CASZ1: variants seen among roughly 807,000 people sequenced by gnomAD.
CASZ1 encodes castor zinc finger 1, also known as zinc finger protein castor homolog 1.
A neutral mutation model predicts 135.2 loss-of-function variants in CASZ1; 28 were observed. The observed-to-expected ratio is 0.21, with a 90% CI of 0.15 to 0.28. The LOEUF (loss-of-function observed/expected upper bound fraction) is 0.28, where lower values mean the gene tolerates loss of function less well. Ranked by LOEUF, CASZ1 falls within the 10% of genes least tolerant of loss-of-function variation. The probability of loss-of-function intolerance (pLI) is 1.00; values close to 1 mark genes in which losing one functional copy is unlikely to be tolerated. For missense variants in CASZ1, 2,161 were observed against 2,453.3 expected (o/e 0.88, Z 2.52); for synonymous variants, 1,068 against 1,073.4 (o/e 0.99, Z 0.10).
chr1:10,643,392 G>C, intron 18 of CASZ1, 81 bp from the exon 19 acceptor site: 2 of 1,463,384 alleles, frequency 1.4e-6, no homozygotes, highest in South Asian at 2.5e-5. Context: ...CACTGTTCTG[G>C]GCATGGGGGC....
Position 10,650,705 on chromosome 1 carries a change from G to A in CASZ1, c.2867C>T (p.Ser956Leu), listed in dbSNP as rs1212661878. The change falls in exon 13 of 21, where the codon TCG becomes TTG. Residue 956 changes from serine (S) to leucine (L), a missense_variant. Transcript: ENST00000377022. ...AVPANSSLLS[S>L]LMNKMSQGNP... ...GATGGCTCTTACCTTATTCATAAGCGAGGATAAAAGAGATGAATTTGCCGG... is the reference window on the plus strand; with the variant it reads ...GATGGCTCTTACCTTATTCATAAGCAAGGATAAAAGAGATGAATTTGCCGG... The A allele has an allele frequency of 5.0e-6, 8 of 1,613,596 alleles. No individual in the cohort carries two copies. Among genetic ancestry groups the A allele is most frequent in the South Asian group, 3.3e-5 (3 of 91,084 alleles).
rs193084946 is a variant in CASZ1, at chr1:10,782,741, A to T, written c.-234+13823T>A. On this transcript the variant is annotated intron_variant, in intron 1 of 20. Transcript: ENST00000377022. The stretch of plus-strand genomic sequence containing the variant: ...TCGCTGGCGGAGCCACTGAGGCGGG[A>T]AGGGGAGTGGGCCTGGTCACCTGGG... Among the ~76,000 whole-genome samples the T allele has an allele frequency of 1.7e-3, 264 of 152,210 alleles. 2 individuals carry two copies. The East Asian group carries it at 0.026, about 15-fold the overall frequency.
chr1:10,681,439 G>A (rs1638417913), intron 4 of CASZ1, among the ~76,000 whole-genome samples: 2 of 152,108 alleles, frequency 1.3e-5, no homozygotes, highest in African/African-American at 4.8e-5. Flanking sequence ...CCCCTCAGCG[G>A]CAGAAACTGC....
At chr1:10,655,951 G>T in intron 8 of CASZ1, 138 bp from the exon 9 acceptor site, 2 of 777,928 alleles carry the variant, frequency 2.6e-6, no homozygotes, top group Non-Finnish European at 2.1e-6. Context: ...AGGCAGCCCA[G>T]ATTGTCCAAG....
In CASZ1 at chr1:10,646,415, C is replaced by T. The variant is rs1047800791; in HGVS notation, c.3498-89G>A. Reference sequence around the variant, plus strand: ...ACTTCACTTGTGTTGGAGTTCACTCCCCCACGACCAGCGGTACCACCAAGA... The same window carrying T: ...ACTTCACTTGTGTTGGAGTTCACTCTCCCACGACCAGCGGTACCACCAAGA... On this transcript the variant is annotated intron_variant, in intron 16 of 20. Transcript: ENST00000377022. The surrounding 1 kb of genome is among the most constrained non-coding windows in gnomAD (Gnocchi z 6.4). 7.8e-7 allele frequency: 1 copy of T among 1,279,526 alleles called. No homozygotes were observed. The highest frequency in any genetic ancestry group is 1.9e-5 in the Admixed American group (1 of 51,780). The allele number at this position is 1,279,526 out of a possible 1,614,324, so 79.3% of individuals were successfully genotyped here.
rs1419153023 is a variant in CASZ1 at position 10,735,719 on chromosome 1, CT to C, written c.-77+24981del. On this transcript the variant is annotated intron_variant, in intron 2 of 20. Transcript: ENST00000377022. This position sits in a 1 kb window ranked among gnomAD's most constrained non-coding sequence, Gnocchi z 5.1. ...TCCTTCGGTTAAATGAGGTCAAATG[CT>C]TTTCAAGTCACGGGCATCTGCCTAC... Among the ~76,000 whole-genome samples, 1 of 152,196 alleles carries C rather than the reference CT, an allele frequency of 6.6e-6. No individual in the cohort carries two copies. The highest frequency in any genetic ancestry group is 2.4e-5 in the African/African-American group (1 of 41,432).
In CASZ1 at chr1:10,759,736, G is replaced by A. The variant is rs749884148; in HGVS notation, c.-77+965C>T. 4.3e-4 allele frequency among the ~76,000 whole-genome samples: 66 copies of A among 152,164 alleles called. 1 individual carries two copies. Among genetic ancestry groups the A allele is most frequent in the Admixed American group, 7.2e-4 (11 of 15,288 alleles). ...GAGGGGCAGGACACACCTGCCCAGA[G>A]TGACCATGGGGAGGAAGAGCGCAGG... On this transcript the variant is annotated intron_variant, in intron 2 of 20. Coordinates refer to ENST00000377022, the MANE Select transcript of CASZ1 (RefSeq NM_001079843.3). The surrounding 1 kb of genome is among the most constrained non-coding windows in gnomAD (Gnocchi z 4.2).
chr1:10,664,673 G>A (rs187681697), intron 5 of CASZ1, among the ~76,000 whole-genome samples: 1 of 151,964 alleles, frequency 6.6e-6, no homozygotes, highest in South Asian at 2.1e-4. Flanking sequence ...GGCTCATGCC[G>A]TTGACCGCTG....
chr1:10,738,011 G>C (rs1639834141), intron 2 of CASZ1, among the ~76,000 whole-genome samples: 1 of 152,170 alleles, frequency 6.6e-6, no homozygotes, highest in South Asian at 2.1e-4. Flanking sequence ...GCCTCATGTT[G>C]TCCAAGTGCC....
chr1:10,642,604 T>C (rs1642241527), intron 20 of CASZ1, among the ~76,000 whole-genome samples: 1 of 151,954 alleles, frequency 6.6e-6, no homozygotes, highest in South Asian at 2.1e-4. Context: ...GCTGCGCTGC[T>C]CCCGCTGTGG....
intron 3 of CASZ1, 28 bp downstream of exon 3, chr1:10,705,464 G>A (rs1570503882): frequency 6.6e-6 from 1 of 152,396 alleles, no homozygotes; most frequent in South Asian, 2.1e-4. Flanking sequence ...GAGAGGACGC[G>A]AGGCTCAGGG....
In CASZ1 at chr1:10,637,794, T is replaced by A. The variant is rs1442127271; in HGVS notation, c.*1148A>T. 1.4e-5 allele frequency: 2 copies of A among 147,994 alleles called. No homozygotes were observed. The highest frequency in any genetic ancestry group is 5.1e-5 in the African/African-American group (2 of 39,554). 9.2% of individuals were successfully genotyped at this position (147,994 alleles called of 1,614,324 possible). On this transcript the variant is annotated 3_prime_UTR_variant, in exon 21 of 21. Transcript: ENST00000377022. ...GGTAGACTGCACCAGCGAAGAAGCA[T>A]CCCAAACAAAGTAATAAAACAAACT...
rs749463406 is a variant in CASZ1 at position 10,706,691 on chromosome 1, C to T, written c.-76-1147G>A. 7.2e-5 allele frequency among the ~76,000 whole-genome samples: 11 copies of T among 152,164 alleles called. No individual in the cohort carries two copies. The highest frequency in any genetic ancestry group is 2.1e-4 in the South Asian group (1 of 4,832). ...GGCTCGGCTCTCCACCAGCTTTCGC[C>T]GCTTGTGTTGGGCTGCCCGGGCAGA... is the stretch of plus-strand genomic sequence containing the variant. On this transcript the variant is annotated intron_variant, in intron 2 of 20. Transcript: ENST00000377022. This position sits in a 1 kb window ranked among gnomAD's most constrained non-coding sequence, Gnocchi z 4.3.
rs573173175 is a variant in CASZ1, at chr1:10,666,113, C to A, written c.17-542G>T. 6.6e-6 allele frequency among the ~76,000 whole-genome samples: 1 copy of A among 152,278 alleles called. No individual in the cohort carries two copies. Among genetic ancestry groups the A allele is most frequent in the East Asian group, 1.9e-4 (1 of 5,162 alleles). ...CAGCTTGTGCCAGCCTCTTGCCTCA[C>A]TGTCCCGGCAGCACTTGGCTGGCAC... On this transcript the variant is annotated intron_variant, in intron 4 of 20. Coordinates refer to ENST00000377022, the MANE Select transcript of CASZ1 (RefSeq NM_001079843.3). The surrounding 1 kb of genome is among the most constrained non-coding windows in gnomAD (Gnocchi z 5.2).
At position 10,646,200 on chromosome 1, in the gene CASZ1, G is replaced by C. The variant is rs887029410; in HGVS notation, c.3624C>G (p.Asn1208Lys). 6.2e-7 allele frequency: 1 copy of C among 1,614,208 alleles called. No homozygotes were observed. Among genetic ancestry groups the C allele is most frequent in the Non-Finnish European group, 8.5e-7 (1 of 1,180,030 alleles). The change falls in exon 17 of 21, where the codon AAC becomes AAG. Residue 1208 changes from asparagine (N) to lysine (K), a missense_variant. Physicochemically the swap from Asn to Lys is moderately conservative, Grantham distance 94. Transcript: ENST00000377022. This position sits in a 1 kb window ranked among gnomAD's most constrained non-coding sequence, Gnocchi z 6.4. ...GCACGTTCACCAGGTTGTTGTTGGG[G>C]TTGATGTGGTCCAGGCAGTGGGATT... ...KAESHCLDHI[N>K]PNNNLVNVRD...
rs553970727 is a variant in CASZ1, at chr1:10,727,299, C to T, written c.-76-21755G>A. 1.3e-5 allele frequency among the ~76,000 whole-genome samples: 2 copies of T among 152,130 alleles called. No homozygotes were observed. The highest frequency in any genetic ancestry group is 1.9e-4 in the East Asian group (1 of 5,180). The stretch of plus-strand genomic sequence containing the variant: ...GCTGTTTGAGCCCAGCCCCAGCCCC[C>T]ACTCCAGGTCATCGGCCATCCAGCT... On this transcript the variant is annotated intron_variant, in intron 2 of 20. Transcript: ENST00000377022. The surrounding 1 kb of genome is among the most constrained non-coding windows in gnomAD (Gnocchi z 5.3).
chr1:10,754,882 G>A (rs1415520848), intron 2 of CASZ1, among the ~76,000 whole-genome samples: 2 of 152,222 alleles, frequency 1.3e-5, no homozygotes, highest in Admixed American at 6.5e-5. Flanking sequence ...AAAAAAAGTC[G>A]CTTTTAATTG....
Position 10,796,629 on chromosome 1 carries a change from GGA to G in CASZ1, c.-301_-300del, listed in dbSNP as rs1641078175. The G allele has an allele frequency of 6.6e-6, 1 of 152,282 alleles. No homozygotes were observed. Among genetic ancestry groups the G allele is most frequent in the Non-Finnish European group, 1.5e-5 (1 of 68,074 alleles). 9.4% of individuals were successfully genotyped at this position (152,282 alleles called of 1,614,324 possible). On this transcript the variant is annotated 5_prime_UTR_variant, in exon 1 of 21. Transcript: ENST00000377022. The stretch of plus-strand genomic sequence containing the variant: ...GGAAAAATGTGTGTGTGTTTGGGAT[GGA>G]GCGCCGCGGGCGCGCATGCGCTGCC...
rs1241782714 is a variant in CASZ1 at position 10,659,702 on chromosome 1, T to C, written c.1340A>G (p.Lys447Arg). Residue 447 changes from lysine to arginine, a missense_variant and splice_region_variant, in exon 6 of 21, where the codon AAG (lysine) becomes AGG (arginine). This residue lies in a region of CASZ1 where 248 missense variants were observed against 410.8 expected (regional missense o/e 0.60). Transcript: ENST00000377022. ...CATTGTGGGGTGGGGAGCGCCTTAC[T>C]TGACAGTGGAGACGGTCCCCGTGGT... ...SITTGTVSTV[K>R]NGLPTDKPAV... 8 of 1,611,834 alleles carry C rather than the reference T, an allele frequency of 5.0e-6. No homozygotes were observed. Among genetic ancestry groups the C allele is most frequent in the South Asian group, 1.1e-5 (1 of 91,040 alleles).
Sources: gnomAD v4.1 joint callset for allele counts (sites outside exome capture counted in the v4.1 genomes callset) on GRCh38, gnomAD v4.1.1 for gene constraint, gnomAD v4.1.1 regional missense constraint, Gnocchi (gnomAD v3.1) non-coding constraint, MANE v1.5 for transcripts, NCBI Gene and HGNC (gene_info 2026-07-23, HGNC 2026-07-21) for gene names.